ASTN1: variants seen among roughly 807,000 people sequenced by gnomAD.
The protein encoded by ASTN1 is astrotactin-1.
In ASTN1, 41 loss-of-function variants were observed where a neutral mutation model predicts 140.7. That is an observed-to-expected ratio of 0.29 (90% CI 0.23 to 0.38). The LOEUF (loss-of-function observed/expected upper bound fraction) is 0.38. Ranked by LOEUF, ASTN1 falls within the 10% of genes least tolerant of loss-of-function variation. The probability of loss-of-function intolerance (pLI) is 1.00; values close to 1 mark genes in which losing one functional copy is unlikely to be tolerated. For synonymous variants in ASTN1, 640 were observed against 652.2 expected, an observed-to-expected ratio of 0.98 and a Z score of 0.29; for missense variants, 1,479 against 1,678.8, an observed-to-expected ratio of 0.88 and a Z score of 2.08.
At chr1:176,994,984 A>G (rs532525692) in intron 8 of ASTN1, among the ~76,000 whole-genome samples, 1 of 152,298 alleles carries the variant, frequency 6.6e-6, no homozygotes, top group East Asian at 1.9e-4. Flanking sequence ...AACACAGATG[A>G]TTTACCTCAG....
chr1:177,093,471 C>A (rs1200218526), intron 1 of ASTN1, among the ~76,000 whole-genome samples: 14 of 152,198 alleles, frequency 9.2e-5, no homozygotes, highest in Non-Finnish European at 1.9e-4. Flanking sequence ...ATTTTACCAA[C>A]CTAAAAAAAA....
rs1012357247 is a variant in ASTN1, at chr1:176,894,751, C to T, written c.2751G>A (p.Leu917=). The T allele has an allele frequency of 6.2e-7, 1 of 1,614,076 alleles. No individual in the cohort carries two copies. Among genetic ancestry groups the T allele is most frequent in the Non-Finnish European group, 8.5e-7 (1 of 1,180,052 alleles). ...CCATGTGCTTGGTGCCGGAGTCTGA[C>T]AAGCTGGTGATGTATTCTGGGAATG... ...VLTFPEYITS[L]SDSGTKHMAA... The change falls in exon 17 of 23, where the codon TTG becomes TTA. Residue 917 remains leucine, a synonymous_variant. Coordinates refer to ENST00000361833, the MANE Select transcript of ASTN1 (RefSeq NM_004319.3).
Position 176,861,150 on chromosome 1 carries a change from G to A in ASTN1, c.*3134C>T. 2 of 951,042 alleles carry A rather than the reference G, an allele frequency of 2.1e-6. No individual in the cohort carries two copies. Among genetic ancestry groups the A allele is most frequent in the East Asian group, 1.2e-4 (1 of 8,616 alleles). The allele number at this position is 951,042 out of a possible 1,614,324, so 58.9% of individuals were successfully genotyped here. ...CAATAATTCTCTTTTAAACAACACT[G>A]TTATACCTGAAGATGGTCATATTAT... On this transcript the variant is annotated 3_prime_UTR_variant, in exon 23 of 23. Transcript: ENST00000361833.
intron 1 of ASTN1, among the ~76,000 whole-genome samples, chr1:177,145,640 G>C (rs553402593): frequency 6.6e-6 from 1 of 152,318 alleles, no homozygotes; most frequent in Admixed American, 6.5e-5. Flanking sequence ...GGCAGAAAGA[G>C]GAGACCAGGA....
Position 177,032,533 on chromosome 1 carries a change from T to C in ASTN1, c.788A>G (p.Asp263Gly). ...LQRECMNGGE[D>G]FASQVTRTLD... ...GGTGCGCGTGACCTGGCTGGCAAAG[T>C]CCTCCCCTCCGTTCATGCACTCCCT... is the stretch of plus-strand genomic sequence containing the variant. Residue 263 changes from aspartate (D) to glycine (G), a missense_variant, in exon 3 of 23, where the codon GAC (aspartate) becomes GGC (glycine). Transcript: ENST00000361833. 3 of 1,614,076 alleles carry C rather than the reference T, an allele frequency of 1.9e-6. No homozygotes were observed. Among genetic ancestry groups the C allele is most frequent in the Non-Finnish European group, 2.5e-6 (3 of 1,180,004 alleles).
intron 9 of ASTN1, among the ~76,000 whole-genome samples, chr1:176,962,217 A>T (rs2101844483): frequency 6.6e-6 from 1 of 152,330 alleles, no homozygotes; most frequent in East Asian, 1.9e-4. Context: ...GAGTGATCCT[A>T]GCCACAGTGG....
At chr1:177,095,006 C>G (rs1320832196) in intron 1 of ASTN1, among the ~76,000 whole-genome samples, 1 of 152,168 alleles carries the variant, frequency 6.6e-6, no homozygotes, top group East Asian at 1.9e-4. Context: ...CAATCCTTGT[C>G]ATAAAGCAAC....
intron 5 of ASTN1, among the ~76,000 whole-genome samples, chr1:177,028,168 A>T (rs1377358289): frequency 2.6e-5 from 4 of 152,214 alleles, no homozygotes; most frequent in African/African-American, 9.6e-5. Flanking sequence ...GAACAGTTTC[A>T]TGCTGTCGAG....
chr1:177,016,533 G>A (rs750839240), intron 7 of ASTN1, among the ~76,000 whole-genome samples: 1 of 152,128 alleles, frequency 6.6e-6, no homozygotes, highest in Non-Finnish European at 1.5e-5. Context: ...GTGGATGAAG[G>A]CTGTTTATTT....
At chr1:177,073,887 G>C (rs1240620837) in intron 1 of ASTN1, among the ~76,000 whole-genome samples, 2 of 151,646 alleles carry the variant, frequency 1.3e-5, no homozygotes, top group Non-Finnish European at 2.9e-5. Context: ...TTAGAAATAT[G>C]AGTTACCATT....
chr1:176,934,947 C>G (rs966148747), intron 15 of ASTN1, among the ~76,000 whole-genome samples: 15 of 152,164 alleles, frequency 9.9e-5, no homozygotes, highest in African/African-American at 3.6e-4. Context: ...CACTAATACA[C>G]TCCTATTTTA....
At chr1:176,927,965 C>A (rs1671039807) in intron 16 of ASTN1, among the ~76,000 whole-genome samples, 1 of 151,894 alleles carries the variant, frequency 6.6e-6, no homozygotes, top group Non-Finnish European at 1.5e-5. Context: ...TTGGAGCAAA[C>A]AGATAATTTA....
intron 8 of ASTN1, among the ~76,000 whole-genome samples, chr1:176,969,932 C>T (rs753701083): frequency 9.9e-5 from 15 of 152,232 alleles, no homozygotes; most frequent in Admixed American, 2.0e-4. Context: ...ACCGCAGACC[C>T]ATGCCCATGC....
chr1:177,001,072 C>A (rs941243912), intron 8 of ASTN1, among the ~76,000 whole-genome samples: 1 of 152,156 alleles, frequency 6.6e-6, no homozygotes, highest in Non-Finnish European at 1.5e-5. Context: ...GCCCAAACCA[C>A]CCCCAGACTT....
At chr1:176,944,054 A>G in intron 13 of ASTN1, 36 bp from the exon 14 acceptor site, 1 of 1,604,158 alleles carries the variant, frequency 6.2e-7, no homozygotes, top group Non-Finnish European at 8.5e-7. Context: ...CTGAGTGTTC[A>G]GGTGAACCTG....
intron 2 of ASTN1, among the ~76,000 whole-genome samples, chr1:177,041,122 C>T (rs1676949863): frequency 6.6e-6 from 1 of 152,180 alleles, no homozygotes; most frequent in Non-Finnish European, 1.5e-5. Flanking sequence ...AGAGAAGCAG[C>T]TCATCAAGGG....
At chr1:177,134,624 G>A (rs1682099854) in intron 1 of ASTN1, among the ~76,000 whole-genome samples, 1 of 152,134 alleles carries the variant, frequency 6.6e-6, no homozygotes, top group South Asian at 2.1e-4. Flanking sequence ...TCTGATGTCT[G>A]CAAAAATCCT....
intron 2 of ASTN1, among the ~76,000 whole-genome samples, chr1:177,035,069 A>G (rs1676648349): frequency 6.6e-6 from 1 of 152,240 alleles, no homozygotes; most frequent in African/African-American, 2.4e-5. Context: ...TTAGCTGTCC[A>G]TTATCATGCT....
At chr1:177,150,926 TGGTCTAAAA>T (rs1683004639) in intron 1 of ASTN1, among the ~76,000 whole-genome samples, 1 of 152,152 alleles carries the variant, frequency 6.6e-6, no homozygotes, top group Admixed American at 6.6e-5. Context: ...AGAGACCATA[TGGTCTAAAA>T]GGTCTAAAAT....
Sources: gnomAD v4.1 joint callset for allele counts (sites outside exome capture counted in the v4.1 genomes callset) on GRCh38, gnomAD v4.1.1 for gene constraint, MANE v1.5 for transcripts, NCBI Gene and HGNC (gene_info 2026-07-23, HGNC 2026-07-21) for gene names.